The following ATAT1 variants were observed in gnomAD, a reference collection of about 807,000 sequenced individuals.
ATAT1 encodes alpha tubulin acetyltransferase 1, also known as alpha-tubulin N-acetyltransferase 1.
ATAT1 carries 42 observed loss-of-function variants against 57.2 expected under a neutral mutation model. The observed-to-expected ratio is 0.73, with a 90% CI of 0.57 to 0.95. The LOEUF (loss-of-function observed/expected upper bound fraction) is 0.95. ATAT1 is among the 40% of genes least tolerant of loss of function. The pLI, the probability that ATAT1 is intolerant of heterozygous loss-of-function variation, is 0.00. For missense variants in ATAT1, 454 were observed against 523.7 expected, an observed-to-expected ratio of 0.87 and a Z score of 1.30; for synonymous variants, 168 against 187.1, an observed-to-expected ratio of 0.90 and a Z score of 0.83.
At position 30,645,094 on chromosome 6, in the gene ATAT1, C is replaced by T. The variant is rs1011043854; in HGVS notation, c.933-801C>T. On this transcript the variant is annotated intron_variant, in intron 10 of 12. Coordinates refer to ENST00000330083, the MANE Select transcript of ATAT1 (RefSeq NM_001031722.4). ...CTAAACCGCTGGATCTCTCTCAAGACAAACCCTTACCTCCATTGAGAGTGC... is the reference window on the plus strand; with the variant it reads ...CTAAACCGCTGGATCTCTCTCAAGATAAACCCTTACCTCCATTGAGAGTGC... Among the ~76,000 whole-genome samples, 71 of 152,194 alleles carry T rather than the reference C, an allele frequency of 4.7e-4. 1 individual carries two copies. The highest frequency in any genetic ancestry group is 1.5e-3 in the African/African-American group (64 of 41,446).
At chr6:30,640,816 G>GT in intron 8 of ATAT1, 1 of 602,920 alleles carries the variant, frequency 1.7e-6, no homozygotes, top group Non-Finnish European at 2.9e-6. Flanking sequence ...TTGGGAGCCT[G>GT]TTTGACAGCT....
Position 30,642,832 on chromosome 6 carries a change from A to AGGGGGGCGC in ATAT1, c.754_755insGGGGGCGCG (p.Pro251_Ala252insGlyGlyArg). 1 of 1,230,748 alleles carries AGGGGGGCGC rather than the reference A, an allele frequency of 8.1e-7. No individual in the cohort carries two copies. Among genetic ancestry groups the AGGGGGGCGC allele is most frequent in the Non-Finnish European group, 1.1e-6 (1 of 892,688 alleles). The allele number at this position is 1,230,748 out of a possible 1,614,324, so 76.2% of individuals were successfully genotyped here. A position where few individuals can be genotyped will look rare whatever the true frequency, so the allele number is the denominator to read the frequency against. The stretch of plus-strand genomic sequence containing the variant: ...GGGCCCCTCGCCGCGCCACACCTCC[A>AGGGGGGCGC]GCCCACCCACCCCCCCGCTCCAGCA... On this transcript the variant is annotated inframe_insertion, in exon 10 of 13. Coordinates refer to ENST00000330083, the MANE Select transcript of ATAT1 (RefSeq NM_001031722.4).
intron 12 of ATAT1, 27 bp downstream of exon 12, chr6:30,646,136 G>T (rs1766687074): frequency 2.5e-6 from 4 of 1,600,556 alleles, no homozygotes; most frequent in Non-Finnish European, 3.4e-6. Context: ...TCCCCTAACA[G>T]CCTCCCACCA....
rs1354010729 is a variant in ATAT1 at position 30,643,652 on chromosome 6, A to G, written c.932+641A>G. On this transcript the variant is annotated intron_variant, in intron 10 of 12. Transcript: ENST00000330083. Reference sequence around the variant, plus strand: ...GACCCACTCTTCCATTGCATCCTGTAGGACCCAGTGGAACCTGACAGAGCC... The same window carrying G: ...GACCCACTCTTCCATTGCATCCTGTGGGACCCAGTGGAACCTGACAGAGCC... 10 of 1,545,908 alleles carry G rather than the reference A, an allele frequency of 6.5e-6. No individual in the cohort carries two copies. The African/African-American group carries it at 1.2e-4, about 19-fold the overall frequency.
At chr6:30,641,724 A>G in intron 8 of ATAT1, 5 of 972,876 alleles carry the variant, frequency 5.1e-6, no homozygotes, top group Non-Finnish European at 6.1e-6. Context: ...CCCTCCTTCC[A>G]AACCTCCCCT....
At chr6:30,645,210 C>A (rs930688666) in intron 10 of ATAT1, among the ~76,000 whole-genome samples, 4 of 151,148 alleles carry the variant, frequency 2.6e-5, no homozygotes, top group Admixed American at 2.6e-4. Context: ...TCCCTCTGGT[C>A]TAAGGAATCT....
chr6:30,638,218 G>T (rs959058129), intron 6 of ATAT1, among the ~76,000 whole-genome samples: 2 of 152,042 alleles, frequency 1.3e-5, no homozygotes, highest in East Asian at 3.9e-4. Flanking sequence ...TAGAGATGAG[G>T]TCTTGCTATA....
chr6:30,639,867 C>T (rs1765032704), intron 6 of ATAT1, among the ~76,000 whole-genome samples: 2 of 151,948 alleles, frequency 1.3e-5, no homozygotes, highest in South Asian at 4.2e-4. Context: ...AGCATGGTGG[C>T]TCACGTCTAT....
intron 8 of ATAT1, chr6:30,641,912 C>T: frequency 2.3e-6 from 3 of 1,289,698 alleles, no homozygotes; most frequent in South Asian, 4.0e-5. Flanking sequence ...CCTGCATCTC[C>T]CAGGCCCCCA....
In ATAT1 at chr6:30,646,670, GTAT is replaced by G; in HGVS notation, c.*32_*34del. 1.3e-6 allele frequency: 2 copies of G among 1,518,680 alleles called. No homozygotes were observed. Among genetic ancestry groups the G allele is most frequent in the South Asian group, 1.2e-5 (1 of 80,172 alleles). The allele number at this position is 1,518,680 out of a possible 1,614,324, so 94.1% of individuals were successfully genotyped here. A position where few individuals can be genotyped will look rare whatever the true frequency, so the allele number is the denominator to read the frequency against. On this transcript the variant is annotated 3_prime_UTR_variant, in exon 13 of 13. Coordinates refer to ENST00000330083, the MANE Select transcript of ATAT1 (RefSeq NM_001031722.4). ...CGCAGCCCCGTCAAACATCTTCAAA[GTAT>G]TATTTCTCCCTCACTACAGGAAAGA...
At chr6:30,643,126 G>GC in intron 10 of ATAT1, 115 bp downstream of exon 10, 1 of 1,512,598 alleles carries the variant, frequency 6.6e-7, no homozygotes, top group South Asian at 1.3e-5. Context: ...GTGGCTTGGG[G>GC]GGGGTCCTGA....
chr6:30,641,862 C>T, intron 8 of ATAT1: 1 of 1,182,550 alleles, frequency 8.5e-7, no homozygotes, highest in Non-Finnish European at 1.1e-6. Flanking sequence ...ATGACAGCAC[C>T]CACTGACAGT....
chr6:30,630,063 T>C (rs1364093328), intron 6 of ATAT1, among the ~76,000 whole-genome samples: 1 of 152,154 alleles, frequency 6.6e-6, no homozygotes, highest in Admixed American at 6.5e-5. Flanking sequence ...CCAATAAACA[T>C]TGAGTGCCTG....
chr6:30,645,505 C>T (rs972558028), intron 10 of ATAT1, among the ~76,000 whole-genome samples: 4 of 152,090 alleles, frequency 2.6e-5, no homozygotes, highest in East Asian at 1.9e-4. Flanking sequence ...TGAGCCACCG[C>T]GCCCAGCCTG....
intron 10 of ATAT1, among the ~76,000 whole-genome samples, chr6:30,645,327 T>C (rs1200593292): frequency 6.6e-6 from 1 of 152,000 alleles, no homozygotes; most frequent in African/African-American, 2.4e-5. Flanking sequence ...GCGATTCTCC[T>C]GCCTTAGCCT....
intron 6 of ATAT1, among the ~76,000 whole-genome samples, chr6:30,632,526 C>T (rs773335165): frequency 2.9e-4 from 44 of 150,912 alleles, no homozygotes; most frequent in Non-Finnish European, 5.0e-4. Flanking sequence ...GAGCTGAGAT[C>T]GCACTACTGC....
chr6:30,629,457 T>C (rs1358826741), intron 6 of ATAT1, among the ~76,000 whole-genome samples: 3 of 151,946 alleles, frequency 2.0e-5, no homozygotes, highest in Non-Finnish European at 4.4e-5. Context: ...TTGGACAGAC[T>C]GGTCCTGAAC....
intron 6 of ATAT1, among the ~76,000 whole-genome samples, chr6:30,632,268 T>TAAAAA (rs3058942): frequency 2.1e-4 from 25 of 117,886 alleles, no homozygotes; most frequent in African/African-American, 6.2e-4. Context: ...GACTCCTTCT[T>TAAAAA]AAAAAAAAAA....
In ATAT1 at chr6:30,627,686, C is replaced by T. The variant is rs142808797; in HGVS notation, c.183C>T (p.Asn61=). 6.2e-6 allele frequency: 10 copies of T among 1,613,048 alleles called. No homozygotes were observed. The African/African-American group carries it at 1.1e-4, about 17-fold the overall frequency. The change falls in exon 3 of 13, where the codon AAC becomes AAT. Residue 61 remains asparagine (N), a synonymous_variant. Transcript: ENST00000330083. ...CTAGTGCATCAAGGATGCAGAGTAA[C>T]CGCCATGTTGTTTATATTCTCAAAG...
Sources: allele counts gnomAD v4.1 joint callset (sites outside exome capture counted in the v4.1 genomes callset), GRCh38; gene constraint gnomAD v4.1.1; transcripts MANE v1.5; gene names NCBI Gene and HGNC (gene_info 2026-07-23, HGNC 2026-07-21).